The following NODAL variants were observed in gnomAD, a reference collection of about 807,000 sequenced individuals.
NODAL encodes nodal homolog.
Under a neutral mutation model 34.0 loss-of-function variants are expected in NODAL, and 12 were observed. That is an observed-to-expected ratio of 0.35 (90% confidence interval 0.23 to 0.57). The LOEUF is 0.57. Ranked by LOEUF, NODAL falls within the 20% of genes least tolerant of loss-of-function variation. The pLI, the probability that NODAL is intolerant of heterozygous loss-of-function variation, is 0.83. For synonymous variants in NODAL, 162 were observed against 186.4 expected, an observed-to-expected ratio of 0.87 and a Z score of 1.07; for missense variants, 390 against 444.2, an observed-to-expected ratio of 0.88 and a Z score of 1.10.
At chr10:70,434,957 G>C in intron 2 of NODAL, 1 of 336,790 alleles carries the variant, frequency 3.0e-6, no homozygotes, top group South Asian at 3.5e-5. Flanking sequence ...CCAAAGTCCA[G>C]ATTCTTCCTT....
chr10:70,436,164 C>T, intron 1 of NODAL, 181 bp from the exon 2 acceptor site: 1 of 654,612 alleles, frequency 1.5e-6, no homozygotes, highest in Non-Finnish European at 2.7e-6. Context: ...ATGAGGAAAA[C>T]TGAGGCTCAG....
At chr10:70,441,265 G>A (rs1253089698) in intron 1 of NODAL, among the ~76,000 whole-genome samples, 2 of 152,240 alleles carry the variant, frequency 1.3e-5, no homozygotes, top group Non-Finnish European at 2.9e-5. Context: ...CTCGGCCGTG[G>A]ATACGCCCCC....
upstream of NODAL, among the ~76,000 whole-genome samples, chr10:70,442,944 C>G (rs1845448526): frequency 1.3e-5 from 2 of 152,106 alleles, no homozygotes; most frequent in Admixed American, 1.3e-4. Context: ...ATGAGCCAGG[C>G]ATTTTTGTGG....
At chr10:70,441,367 G>A (rs933727533) in intron 1 of NODAL, 108 bp downstream of exon 1, 8 of 1,297,718 alleles carry the variant, frequency 6.2e-6, no homozygotes, top group Non-Finnish European at 1.1e-6. Flanking sequence ...TGCAAACCCG[G>A]CTCGGAGCCG....
In NODAL at chr10:70,435,813, C is replaced by G. The variant is rs777283021; in HGVS notation, c.364G>C (p.Glu122Gln). Residue 122 changes from glutamate to glutamine, a missense_variant, in exon 2 of 3, where the codon GAG becomes CAG. Glu to Gln is a conservative substitution (Grantham distance 29). Coordinates refer to ENST00000287139, the MANE Select transcript of NODAL (RefSeq NM_018055.5). ...TCTAAGCAGCTGTCTGAAGCCTGCT[C>G]TGTGTCGGGCTTTGGCTGGTGGAAA... ...EIFHQPKPDT[E>Q]QASDSCLERF... 4 of 1,614,156 alleles carry G rather than the reference C, an allele frequency of 2.5e-6. No individual in the cohort carries two copies. In the South Asian group the frequency reaches 3.3e-5, roughly 13 times the overall value.
chr10:70,435,886 C>A lies in NODAL; in HGVS notation c.291G>T (p.Leu97=), dbSNP rs573038805. 1 of 1,614,122 alleles carries A rather than the reference C, an allele frequency of 6.2e-7. No homozygotes were observed. Among genetic ancestry groups the A allele is most frequent in the African/African-American group, 1.3e-5 (1 of 75,068 alleles). The part of the protein sequence containing the change: ...DLAWAELRLQ[L]SSPVDLPTEG... ...CAGTGGGGAGGTCCACAGGGCTGGA[C>A]AGCTGCAGCCGGAGCTCAGCCCATG... Residue 97 remains leucine, a synonymous_variant, in exon 2 of 3, where the codon CTG becomes CTT. Transcript: ENST00000287139.
chr10:70,435,261 C>G (rs773281767), intron 2 of NODAL, 25 bp downstream of exon 2: 1 of 1,581,822 alleles, frequency 6.3e-7, no homozygotes, highest in South Asian at 1.1e-5. Context: ...ACTGCCTCCC[C>G]TCCCCCTCAC....
chr10:70,436,973 C>T (rs1166475744), intron 1 of NODAL, among the ~76,000 whole-genome samples: 1 of 152,174 alleles, frequency 6.6e-6, no homozygotes, highest in Non-Finnish European at 1.5e-5. Context: ...CCAGACTGGA[C>T]CTACATCAGA....
At chr10:70,439,778 C>G (rs1272310733) in intron 1 of NODAL, among the ~76,000 whole-genome samples, 1 of 152,220 alleles carries the variant, frequency 6.6e-6, no homozygotes, top group Non-Finnish European at 1.5e-5. Flanking sequence ...CCGCTGTACA[C>G]TAAAAAACAG....
At position 70,432,113 on chromosome 10, in the gene NODAL, TCAC is replaced by T. The variant is rs1251053422; in HGVS notation, c.*820_*822del. Among the ~76,000 whole-genome samples, 4 of 152,222 alleles carry T rather than the reference TCAC, an allele frequency of 2.6e-5. No individual in the cohort carries two copies. The highest frequency in any genetic ancestry group is 4.8e-5 in the African/African-American group (2 of 41,460). ...TATCTTGCCACCCAGGGCAAGGCCT[TCAC>T]CACTGCTGGATAGGAAGCTCAGAGG... On this transcript the variant is annotated 3_prime_UTR_variant, in exon 3 of 3. Transcript: ENST00000287139.
Position 70,432,000 on chromosome 10 carries a change from C to T in NODAL, c.*936G>A, listed in dbSNP as rs958534451. 9.2e-5 allele frequency among the ~76,000 whole-genome samples: 14 copies of T among 152,334 alleles called. No individual in the cohort carries two copies. The highest frequency in any genetic ancestry group is 3.1e-4 in the African/African-American group (13 of 41,570). On this transcript the variant is annotated 3_prime_UTR_variant, in exon 3 of 3. Coordinates refer to ENST00000287139, the MANE Select transcript of NODAL (RefSeq NM_018055.5). The stretch of plus-strand genomic sequence containing the variant: ...ATATGAATGCATTAGGATTCACCAG[C>T]GTTCCTTTTACAAGTGGAGACTGGA...
At chr10:70,439,680 A>G (rs1032875472) in intron 1 of NODAL, among the ~76,000 whole-genome samples, 37 of 152,340 alleles carry the variant, frequency 2.4e-4, no homozygotes, top group African/African-American at 8.4e-4. Flanking sequence ...GGGCCAGGAC[A>G]TCCCTTCTCC....
intron 1 of NODAL, among the ~76,000 whole-genome samples, chr10:70,440,253 T>C (rs117850587): frequency 6.6e-6 from 1 of 152,116 alleles, no homozygotes; most frequent in Non-Finnish European, 1.5e-5. Flanking sequence ...TCTCGAACTT[T>C]CCAGAAGGGA....
rs1168732720 is a variant in NODAL, at chr10:70,435,404, A to C, written c.773T>G (p.Leu258Arg). 6.2e-7 allele frequency: 1 copy of C among 1,614,208 alleles called. No homozygotes were observed. ...RKVKFQVDFN[L>R]IGWGSWIIYP... ...GATGATCCAGGAGCCCCATCCGATC[A>C]GGTTGAAGTCCACCTGGAACTTGAC... Residue 258 changes from leucine (L) to arginine (R), a missense_variant, in exon 2 of 3, where the codon CTG becomes CGG. By Grantham distance (102) the Leu-to-Arg change is moderately radical. Transcript: ENST00000287139.
At chr10:70,447,785 C>G (rs187653509) in intron 1 of NODAL, 267 of 436,044 alleles carry the variant, frequency 6.1e-4, no homozygotes, top group African/African-American at 5.0e-3. Flanking sequence ...TGCCTAGGAG[C>G]AGGGGTGACC....
rs750115289 is a variant in NODAL, at chr10:70,441,600, G to A, written c.68C>T (p.Thr23Met). 1.2e-5 allele frequency: 19 copies of A among 1,556,578 alleles called. No individual in the cohort carries two copies. The highest frequency in any genetic ancestry group is 1.5e-5 in the Non-Finnish European group (17 of 1,151,430). Residue 23 changes from threonine (T) to methionine (M), a missense_variant, in exon 1 of 3, where the codon ACG (threonine) becomes ATG (methionine). Physicochemically the swap from Thr to Met is moderately conservative, Grantham distance 81. Coordinates refer to ENST00000287139, the MANE Select transcript of NODAL (RefSeq NM_018055.5). ...WWALLQAGAA[T>M]VATALLRTRG... ...CGTACGCAGGAGCGCAGTGGCCACC[G>A]TCGCAGCACCCGCCTGGAGTAGGGC... is the stretch of plus-strand genomic sequence containing the variant.
At chr10:70,443,529 A>T (rs1370255394), upstream of NODAL, among the ~76,000 whole-genome samples, 2 of 152,252 alleles carry the variant, frequency 1.3e-5, no homozygotes, top group Middle Eastern at 3.4e-3. Flanking sequence ...TTAAAAAAAA[A>T]AAATAAAAAC....
At chr10:70,447,421 C>CGTGCCT (rs1194518903) in intron 1 of NODAL, among the ~76,000 whole-genome samples, 3 of 152,016 alleles carry the variant, frequency 2.0e-5, no homozygotes, top group Admixed American at 2.0e-4. Context: ...TGTGGTGGCT[C>CGTGCCT]GTGCCTGCAA....
At chr10:70,441,887 C>T (rs1845436887), upstream of NODAL, among the ~76,000 whole-genome samples, 2 of 152,236 alleles carry the variant, frequency 1.3e-5, no homozygotes, top group Admixed American at 6.5e-5. Flanking sequence ...GTTCCAGGGA[C>T]GGGATCTAGG....
Sources: allele counts gnomAD v4.1 joint callset (sites outside exome capture counted in the v4.1 genomes callset), GRCh38; gene constraint gnomAD v4.1.1; transcripts MANE v1.5; gene names NCBI Gene and HGNC (gene_info 2026-07-23, HGNC 2026-07-21).